The following FOXP2 variants were observed in gnomAD, a reference collection of about 807,000 sequenced individuals.
FOXP2 encodes forkhead box P2.
Under a neutral mutation model 115.8 loss-of-function variants are expected in FOXP2, and 12 were observed. The ratio of observed to expected loss-of-function variants is 0.10; its 90% CI spans 0.07 to 0.17. FOXP2 has a LOEUF of 0.17. Among genes scored for constraint, FOXP2 ranks in the 10% least tolerant of loss-of-function variants. The pLI is 1.00. For synonymous variants in FOXP2, 328 were observed against 297.7 expected (o/e 1.10, Z -1.05); for missense variants, 629 against 843.5 (o/e 0.75, Z 3.15).
At chr7:114,300,098 T>C (rs1405805777) in intron 2 of FOXP2, among the ~76,000 whole-genome samples, 1 of 151,876 alleles carries the variant, frequency 6.6e-6, no homozygotes, top group African/African-American at 2.4e-5. Flanking sequence ...GGATTTTTGA[T>C]AGGAAATGGA....
At chr7:114,436,328 TG>T (rs1794347638) in intron 2 of FOXP2, among the ~76,000 whole-genome samples, 1 of 151,680 alleles carries the variant, frequency 6.6e-6, no homozygotes, top group Non-Finnish European at 1.5e-5. Flanking sequence ...TATTTATGTA[TG>T]TGATTATTTC....
chr7:114,282,203 G>A (rs561545794), intron 1 of FOXP2, among the ~76,000 whole-genome samples: 20 of 152,252 alleles, frequency 1.3e-4, no homozygotes, highest in East Asian at 5.8e-4. Context: ...TTAGATCTGC[G>A]TCATAGCTTT....
chr7:114,607,745 A>G (rs1803407081), intron 3 of FOXP2, among the ~76,000 whole-genome samples: 1 of 152,190 alleles, frequency 6.6e-6, no homozygotes, highest in South Asian at 2.1e-4. Flanking sequence ...ACATTTCTTG[A>G]TCAAATGTTT....
intron 1 of FOXP2, among the ~76,000 whole-genome samples, chr7:114,176,403 G>A (rs1347960441): frequency 2.0e-5 from 3 of 150,452 alleles, no homozygotes; most frequent in Non-Finnish European, 4.4e-5. Context: ...CAGTGGTGCA[G>A]TCTCAGCTCA....
chr7:114,281,784 G>T (rs941435017), intron 1 of FOXP2, among the ~76,000 whole-genome samples: 4 of 151,270 alleles, frequency 2.6e-5, no homozygotes, highest in East Asian at 2.0e-4. Context: ...TGTCAGCAGG[G>T]TTAATTTTCA....
rs1234847517 is a variant in FOXP2, at chr7:114,652,245, T to C, written c.1137T>C (p.Ala379=). Residue 379 remains alanine (A), a synonymous_variant, in exon 9 of 17, where the codon GCT becomes GCC. Coordinates refer to ENST00000350908, the MANE Select transcript of FOXP2 (RefSeq NM_014491.4). ...NEHALDDRST[A]QCRVQMQVVQ... is the part of the protein sequence containing the mutation. ...ACGCATTGGATGACCGAAGCACTGC[T>C]CAGTGTCGAGTGCAAATGCAGGTGG... 1.2e-6 allele frequency: 2 copies of C among 1,613,050 alleles called. No individual in the cohort carries two copies. The highest frequency in any genetic ancestry group is 1.3e-5 in the African/African-American group (1 of 74,978).
intron 2 of FOXP2, among the ~76,000 whole-genome samples, chr7:114,396,328 T>C (rs1792739435): frequency 1.3e-5 from 2 of 152,118 alleles, no homozygotes; most frequent in Non-Finnish European, 2.9e-5. Flanking sequence ...TCCATCCATG[T>C]TGTTGCAAAT....
At chr7:114,389,489 A>G (rs2129193851) in intron 2 of FOXP2, among the ~76,000 whole-genome samples, 1 of 152,354 alleles carries the variant, frequency 6.6e-6, no homozygotes, top group African/African-American at 2.4e-5. Context: ...GAGAGTGCTA[A>G]GTAAGAATGT....
At chr7:114,199,198 A>G (rs1421231130) in intron 1 of FOXP2, among the ~76,000 whole-genome samples, 1 of 152,034 alleles carries the variant, frequency 6.6e-6, no homozygotes, top group Non-Finnish European at 1.5e-5. Context: ...TATTAATTTC[A>G]CCTGAAAATT....
chr7:114,515,758 A>G (rs981794345), intron 2 of FOXP2, among the ~76,000 whole-genome samples: 9 of 152,062 alleles, frequency 5.9e-5, no homozygotes, highest in African/African-American at 1.9e-4. Context: ...TTTTGTTGCC[A>G]TTGCTTTTGG....
intron 2 of FOXP2, 130 bp from the exon 3 acceptor site, chr7:114,534,483 TAAAC>T (rs1216086250): frequency 1.3e-6 from 1 of 782,086 alleles, no homozygotes; most frequent in African/African-American, 1.7e-5. Context: ...TATTAGAAGA[TAAAC>T]AACAATGATT....
At chr7:114,296,599 TAG>T (rs1796746915) in intron 2 of FOXP2, among the ~76,000 whole-genome samples, 1 of 152,156 alleles carries the variant, frequency 6.6e-6, no homozygotes, top group Non-Finnish European at 1.5e-5. Context: ...AGAAAAATGT[TAG>T]AGTGACCTTA....
chr7:114,575,994 T>C (rs1294128073), intron 3 of FOXP2, among the ~76,000 whole-genome samples: 1 of 151,914 alleles, frequency 6.6e-6, no homozygotes, highest in Admixed American at 6.6e-5. Context: ...TTCATTGTTT[T>C]ACTGTGTTTA....
chr7:114,168,600 A>T (rs1035632025), intron 1 of FOXP2, among the ~76,000 whole-genome samples: 1 of 152,202 alleles, frequency 6.6e-6, no homozygotes. Flanking sequence ...AGAGCATAAA[A>T]GTTTGGAAAA....
At chr7:114,263,662 C>T (rs1345136804) in intron 1 of FOXP2, among the ~76,000 whole-genome samples, 2 of 151,526 alleles carry the variant, frequency 1.3e-5, no homozygotes, top group African/African-American at 4.8e-5. Flanking sequence ...TGTATTCTTC[C>T]TTTGGCCTCC....
chr7:114,099,895 A>C (rs1026315511), intron 1 of FOXP2, among the ~76,000 whole-genome samples: 2 of 152,190 alleles, frequency 1.3e-5, no homozygotes, highest in African/African-American at 4.8e-5. Flanking sequence ...GATTCATTTA[A>C]CTGAAGATTT....
In FOXP2 at chr7:114,295,512, G is replaced by A. The variant is rs180882741; in HGVS notation, c.-11+7403G>A. On this transcript the variant is annotated intron_variant, in intron 2 of 17. Coordinates refer to the FOXP2 transcript ENST00000634411. ...GTAATTGTATGAAAATGCTGTAGAA[G>A]AGATACCATGCAGCTTGAATGTTTT... is the stretch of plus-strand genomic sequence containing the variant. Among the ~76,000 whole-genome samples the A allele has an allele frequency of 3.2e-4, 48 of 152,342 alleles. 1 individual carries two copies. Among genetic ancestry groups the A allele is most frequent in the Admixed American group, 2.2e-3 (34 of 15,294 alleles).
At position 114,574,828 on chromosome 7, in the gene FOXP2, T is replaced by C. The variant is rs925117804; in HGVS notation, c.258+40122T>C. Among the ~76,000 whole-genome samples the C allele has an allele frequency of 1.6e-4, 25 of 151,908 alleles. 1 individual carries two copies. The highest frequency in any genetic ancestry group is 1.6e-3 in the Admixed American group (25 of 15,222). Reference sequence around the variant, plus strand: ...TTAGCATTGAGCCAGATGAATCTTTTGATGAACAAAATGTCTTGTACCTAT... The same window carrying C: ...TTAGCATTGAGCCAGATGAATCTTTCGATGAACAAAATGTCTTGTACCTAT... On this transcript the variant is annotated intron_variant, in intron 3 of 16. Transcript: ENST00000350908.
upstream of FOXP2, among the ~76,000 whole-genome samples, chr7:114,414,091 A>G (rs543914558): frequency 2.0e-5 from 3 of 152,240 alleles, no homozygotes; most frequent in East Asian, 5.8e-4. Context: ...CCTTTGATTT[A>G]CCAGCTTCAG....
Sources: allele counts gnomAD v4.1 joint callset (sites outside exome capture counted in the v4.1 genomes callset), GRCh38; gene constraint gnomAD v4.1.1; transcripts MANE v1.5; gene names NCBI Gene and HGNC (gene_info 2026-07-23, HGNC 2026-07-21).